The following USP43 variants were observed in gnomAD, a reference collection of about 807,000 sequenced individuals.
USP43 encodes ubiquitin specific peptidase 43, also known as ubiquitin carboxyl-terminal hydrolase 43.
A neutral mutation model predicts 90.7 loss-of-function variants in USP43; 33 were observed. That is an observed-to-expected ratio of 0.36 (90% confidence interval 0.28 to 0.49). USP43 has a LOEUF of 0.49. Ranked by LOEUF, USP43 falls within the 20% of genes least tolerant of loss-of-function variation. The pLI is 0.98. For missense variants in USP43, 1,274 were observed against 1,476.4 expected, an observed-to-expected ratio of 0.86 and a Z score of 2.25; for synonymous variants, 598 against 615.8, an observed-to-expected ratio of 0.97 and a Z score of 0.43.
chr17:9,700,047 TG>T, intron 9 of USP43, 124 bp from the exon 10 acceptor site: 2 of 897,898 alleles, frequency 2.2e-6, no homozygotes, highest in East Asian at 2.7e-5. Flanking sequence ...CTTGGCTTAC[TG>T]GCAGTTTTGG....
rs1485222025 is a variant in USP43 at position 9,693,138 on chromosome 17, T to A, written c.1365T>A (p.Ser455=). Residue 455 remains serine (S), a synonymous_variant, in exon 9 of 15, where the codon TCT becomes TCA. Coordinates refer to ENST00000285199, the MANE Select transcript of USP43 (RefSeq NM_153210.5). ...KSEAPVQNLG[S]LFSIRVVGLS... is the part of the protein sequence containing the mutation. ...TTTTGTCTTCGCAGAACCTGGGGTC[T>A]CTGTTCTCCATCCGTGTTGTGGGAC... 6 of 1,613,552 alleles carry A rather than the reference T, an allele frequency of 3.7e-6. No homozygotes were observed. The African/African-American group carries it at 6.7e-5, about 18-fold the overall frequency.
At position 9,681,204 on chromosome 17, in the gene USP43, TAATATATAC is replaced by T. The variant is rs1442145412; in HGVS notation, c.1105+840_1105+848del. ...AATATACTATATAATATATACTATA[TAATATATAC>T]ATTATATAGAATATATTATATAATA... is the stretch of plus-strand genomic sequence containing the variant. On this transcript the variant is annotated intron_variant, in intron 6 of 14. Coordinates refer to ENST00000285199, the MANE Select transcript of USP43 (RefSeq NM_153210.5). Among the ~76,000 whole-genome samples the T allele has an allele frequency of 3.0e-3, 298 of 99,224 alleles. 49 individuals carry two copies. Among genetic ancestry groups the T allele is most frequent in the African/African-American group, 0.014 (290 of 21,032 alleles). 65.1% of individuals were successfully genotyped at this position (99,224 alleles called of 152,430 possible). A position where few individuals can be genotyped will look rare whatever the true frequency, so the allele number is the denominator to read the frequency against.
intron 2 of USP43, among the ~76,000 whole-genome samples, chr17:9,660,444 C>T (rs1024507366): frequency 3.9e-5 from 6 of 152,112 alleles, no homozygotes; most frequent in African/African-American, 9.7e-5. Context: ...CCACCACGCC[C>T]GACCAATAAT....
chr17:9,681,486 A>C (rs368633482), intron 6 of USP43, among the ~76,000 whole-genome samples: 1 of 38,114 alleles, frequency 2.6e-5, no homozygotes, highest in African/African-American at 9.1e-5. Flanking sequence ...ATATATATAT[A>C]TATATATATA....
rs35223665 is a variant in USP43 at position 9,647,848 on chromosome 17, C to CAAA, written c.504+1733_504+1735dup. Among the ~76,000 whole-genome samples the CAAA allele has an allele frequency of 5.6e-4, 46 of 82,044 alleles. 1 individual carries two copies. Among genetic ancestry groups the CAAA allele is most frequent in the African/African-American group, 1.7e-3 (36 of 21,770 alleles). 53.8% of individuals were successfully genotyped at this position (82,044 alleles called of 152,430 possible). ...TGAAACCCCGTCTTTACTAAAAATC[C>CAAA]AAAAAAAAAAAAAAAAAAAAAAATT... On this transcript the variant is annotated intron_variant, in intron 1 of 14. Coordinates refer to ENST00000285199, the MANE Select transcript of USP43 (RefSeq NM_153210.5).
At chr17:9,720,850 G>T (rs1191595693) in intron 14 of USP43, among the ~76,000 whole-genome samples, 1 of 152,134 alleles carries the variant, frequency 6.6e-6, no homozygotes, top group Non-Finnish European at 1.5e-5. Context: ...CGGGTGGGGC[G>T]CAAGGATGCT....
chr17:9,711,873 TG>T, intron 13 of USP43, 94 bp from the exon 14 acceptor site: 1 of 1,349,684 alleles, frequency 7.4e-7, no homozygotes, highest in Non-Finnish European at 9.7e-7. Flanking sequence ...GGCTGAAGGA[TG>T]GGGCCGGAAT....
Position 9,656,551 on chromosome 17 carries a change from A to T in USP43, c.636+17A>T, listed in dbSNP as rs747557896. 67 of 1,606,190 alleles carry T rather than the reference A, an allele frequency of 4.2e-5. No homozygotes were observed. Among genetic ancestry groups the T allele is most frequent in the Non-Finnish European group, 5.3e-5 (62 of 1,176,792 alleles). ...TCGGAGAAGGTCGGTCACTCTCAAA[A>T]CAACACAATGTACTGGGTTTTCTTT... On this transcript the variant is annotated intron_variant, in intron 2 of 14. Transcript: ENST00000285199.
intron 9 of USP43, among the ~76,000 whole-genome samples, chr17:9,697,317 T>C (rs912271875): frequency 6.6e-6 from 1 of 152,200 alleles, no homozygotes; most frequent in African/African-American, 2.4e-5. Flanking sequence ...CTTGGGTGAA[T>C]GTTGTCTTCT....
intron 7 of USP43, among the ~76,000 whole-genome samples, chr17:9,683,582 A>T (rs919446390): frequency 4.6e-5 from 7 of 152,204 alleles, no homozygotes; most frequent in African/African-American, 1.7e-4. Context: ...TGAATAATTC[A>T]TTAACTCTTA....
At position 9,693,131 on chromosome 17, in the gene USP43, T is replaced by A; in HGVS notation, c.1358T>A (p.Leu453Gln). The A allele has an allele frequency of 1.2e-6, 2 of 1,613,486 alleles. No homozygotes were observed. Reference sequence around the variant, plus strand: ...TGTCTGTTTTTGTCTTCGCAGAACCTGGGGTCTCTGTTCTCCATCCGTGTT... The same window carrying A: ...TGTCTGTTTTTGTCTTCGCAGAACCAGGGGTCTCTGTTCTCCATCCGTGTT... ...LMKSEAPVQN[L>Q]GSLFSIRVVG... The change falls in exon 9 of 15, where the codon CTG (leucine) becomes CAG (glutamine). Residue 453 changes from leucine (L) to glutamine (Q), a missense_variant. Physicochemically the swap from Leu to Gln is moderately radical, Grantham distance 113. Around this residue, in one of 6 missense-constraint regions of USP43, gnomAD observed 253 missense variants for 276.0 expected, o/e 0.92. Transcript: ENST00000285199.
At chr17:9,703,720 C>T (rs888563715) in intron 12 of USP43, among the ~76,000 whole-genome samples, 2 of 152,204 alleles carry the variant, frequency 1.3e-5, no homozygotes, top group African/African-American at 4.8e-5. Flanking sequence ...CCAACATACA[C>T]AATCTTTTCC....
At chr17:9,679,516 C>CTTTTT (rs544977324) in intron 5 of USP43, among the ~76,000 whole-genome samples, 2 of 82,308 alleles carry the variant, frequency 2.4e-5, no homozygotes, top group East Asian at 6.1e-4. Context: ...TGAAATGCAT[C>CTTTTT]TTTTTTTTTT....
At chr17:9,673,229 G>A (rs571094068) in intron 3 of USP43, among the ~76,000 whole-genome samples, 1 of 152,108 alleles carries the variant, frequency 6.6e-6, no homozygotes, top group East Asian at 1.9e-4. Flanking sequence ...CATTTCAGCC[G>A]GGGGCAGTGG....
intron 1 of USP43, among the ~76,000 whole-genome samples, chr17:9,654,080 C>T (rs1231113549): frequency 6.6e-6 from 1 of 151,928 alleles, no homozygotes; most frequent in Admixed American, 6.6e-5. Context: ...GGCTGCTCAC[C>T]CAGAAGAGAA....
intron 12 of USP43, among the ~76,000 whole-genome samples, chr17:9,708,245 T>C (rs1247110468): frequency 1.3e-5 from 2 of 152,162 alleles, no homozygotes; most frequent in Non-Finnish European, 2.9e-5. Context: ...GATGGGAGTT[T>C]GCATTTTTTC....
At chr17:9,662,206 GC>G (rs1335897387) in intron 2 of USP43, among the ~76,000 whole-genome samples, 1 of 152,092 alleles carries the variant, frequency 6.6e-6, no homozygotes, top group Non-Finnish European at 1.5e-5. Flanking sequence ...TGATTAAAGA[GC>G]CCTCCCCATG....
Position 9,701,358 on chromosome 17 carries a change from C to A in USP43, c.1669C>A (p.Gln557Lys). 6.3e-7 allele frequency: 1 copy of A among 1,595,648 alleles called. No homozygotes were observed. Among genetic ancestry groups the A allele is most frequent in the Non-Finnish European group, 8.5e-7 (1 of 1,171,228 alleles). The change falls in exon 12 of 15, where the codon CAG (glutamine) becomes AAG (lysine). Residue 557 changes from glutamine to lysine, a missense_variant. Gln to Lys is a moderately conservative substitution (Grantham distance 53, BLOSUM62 1). This residue lies in a region of USP43 where 253 missense variants were observed against 276.0 expected (regional missense o/e 0.92). Transcript: ENST00000285199. The surrounding 1 kb of genome is among the most constrained non-coding windows in gnomAD (Gnocchi z 7.2). ...QFYTKEEQLA[Q>K]DDAWKCPHCQ... is the part of the protein sequence containing the mutation. ...CGGGTGGTTTGCTTTCCAGCTGGCCCAGGATGACGCCTGGAAGTGTCCTCA... is the reference window on the plus strand; with the variant it reads ...CGGGTGGTTTGCTTTCCAGCTGGCCAAGGATGACGCCTGGAAGTGTCCTCA...
intron 14 of USP43, among the ~76,000 whole-genome samples, chr17:9,712,923 A>G (rs558961980): frequency 6.6e-6 from 1 of 152,320 alleles, no homozygotes; most frequent in Non-Finnish European, 1.5e-5. Flanking sequence ...TGTTCATTAC[A>G]TACAAACTAG....
Sources: gnomAD v4.1 joint callset for allele counts (sites outside exome capture counted in the v4.1 genomes callset) on GRCh38, gnomAD v4.1.1 for gene constraint, gnomAD v4.1.1 regional missense constraint, Gnocchi (gnomAD v3.1) non-coding constraint, MANE v1.5 for transcripts, NCBI Gene and HGNC (gene_info 2026-07-23, HGNC 2026-07-21) for gene names.